Variants in FAT3 observed in about 807,000 individuals in gnomAD.
FAT3 encodes the protein FAT atypical cadherin 3.
In FAT3, 95 loss-of-function variants were observed where a neutral mutation model predicts 310.2. The ratio of observed to expected loss-of-function variants is 0.31; its 90% confidence interval spans 0.26 to 0.36. The LOEUF is 0.36. FAT3 is among the 10% of genes least tolerant of loss of function. The pLI is 1.00. For synonymous variants in FAT3, 2,314 were observed against 2,192.9 expected, an observed-to-expected ratio of 1.06 and a Z score of -1.54; for missense variants, 5,408 against 5,715.6, an observed-to-expected ratio of 0.95 and a Z score of 1.74.
intron 3 of FAT3, among the ~76,000 whole-genome samples, chr11:92,635,990 G>T (rs1029566808): frequency 4.6e-5 from 7 of 152,022 alleles, no homozygotes; most frequent in Non-Finnish European, 5.9e-5. Flanking sequence ...TTGAGACAGG[G>T]TCTCACTCTG....
At chr11:92,728,158 G>A (rs1032044330) in intron 4 of FAT3, among the ~76,000 whole-genome samples, 1 of 152,138 alleles carries the variant, frequency 6.6e-6, no homozygotes, top group South Asian at 2.1e-4. Flanking sequence ...AATCATCAAT[G>A]TTTTACCTTA....
intron 7 of FAT3, among the ~76,000 whole-genome samples, chr11:92,785,063 A>G (rs1345336982): frequency 6.6e-6 from 1 of 151,946 alleles, no homozygotes; most frequent in South Asian, 2.1e-4. Context: ...TTTCTACCAC[A>G]AAGTACTATA....
intron 3 of FAT3, among the ~76,000 whole-genome samples, chr11:92,568,668 A>G (rs942896118): frequency 6.6e-6 from 1 of 152,098 alleles, no homozygotes. Flanking sequence ...CATGCAAGAT[A>G]TTCACTCTCT....
At chr11:92,462,836 T>G (rs946154215) in intron 2 of FAT3, among the ~76,000 whole-genome samples, 9 of 152,240 alleles carry the variant, frequency 5.9e-5, no homozygotes, top group African/African-American at 1.9e-4. Flanking sequence ...AGTGTTTGTC[T>G]TATTCCCTGG....
chr11:92,414,798 C>T (rs1348098099), intron 2 of FAT3, among the ~76,000 whole-genome samples: 4 of 152,048 alleles, frequency 2.6e-5, no homozygotes, highest in Non-Finnish European at 5.9e-5. Context: ...ATCACGAGGT[C>T]GGGAGATCGG....
At chr11:92,333,169 C>T (rs1331769421) in intron 1 of FAT3, among the ~76,000 whole-genome samples, 3 of 152,130 alleles carry the variant, frequency 2.0e-5, no homozygotes, top group Non-Finnish European at 2.9e-5. Context: ...ATAAGTCCTA[C>T]CCAAATGACT....
rs182220077 is a variant in FAT3 at position 92,466,071 on chromosome 11, C to G, written c.3293-58563C>G. On this transcript the variant is annotated intron_variant, in intron 2 of 27. Coordinates refer to ENST00000525166, the MANE Select transcript of FAT3 (RefSeq NM_001367949.2). The stretch of plus-strand genomic sequence containing the variant: ...ACAGCAGGTACTATTGTCCTACCTT[C>G]CAGATGGGGAAATGGAGGCTTTAAA... Among the ~76,000 whole-genome samples, 27 of 152,178 alleles carry G rather than the reference C, an allele frequency of 1.8e-4. 1 individual carries two copies. Among genetic ancestry groups the G allele is most frequent in the East Asian group, 1.4e-3 (7 of 5,164 alleles).
At chr11:92,518,952 T>C (rs1953590809) in intron 2 of FAT3, among the ~76,000 whole-genome samples, 1 of 152,058 alleles carries the variant, frequency 6.6e-6, no homozygotes, top group African/African-American at 2.4e-5. Flanking sequence ...CTCAAAGCTG[T>C]CAAGATGCCA....
chr11:92,366,353 T>C (rs1197831826), intron 2 of FAT3: 2 of 236,936 alleles, frequency 8.4e-6, no homozygotes, highest in Non-Finnish European at 1.7e-5. Context: ...AAAATGAAAA[T>C]GGGAGCCACT....
chr11:92,564,565 C>T (rs1292150710), intron 3 of FAT3, among the ~76,000 whole-genome samples: 11 of 152,016 alleles, frequency 7.2e-5, no homozygotes, highest in Non-Finnish European at 1.6e-4. Context: ...ACTCTCCACC[C>T]CAAATCAACA....
In FAT3 at chr11:92,589,208, G is replaced by A. The variant is rs78698026; in HGVS notation, c.3607+64260G>A. ...ACATGGCTTGACTTTTACATTGGAAGTGACCTGGAAGTCACATTCCTTTGG... is the reference window on the plus strand; with the variant it reads ...ACATGGCTTGACTTTTACATTGGAAATGACCTGGAAGTCACATTCCTTTGG... On this transcript the variant is annotated intron_variant, in intron 3 of 27. Coordinates refer to ENST00000525166, the MANE Select transcript of FAT3 (RefSeq NM_001367949.2). 8.5e-5 allele frequency among the ~76,000 whole-genome samples: 13 copies of A among 152,162 alleles called. No homozygotes were observed. The East Asian group carries it at 2.5e-3, about 29-fold the overall frequency.
At chr11:92,645,656 T>G (rs1942129350) in intron 3 of FAT3, among the ~76,000 whole-genome samples, 1 of 152,232 alleles carries the variant, frequency 6.6e-6, no homozygotes, top group Non-Finnish European at 1.5e-5. Flanking sequence ...TAGGTAAAGT[T>G]GGGAATGACA....
At chr11:92,286,128 T>C (rs1946556919) in intron 1 of FAT3, among the ~76,000 whole-genome samples, 1 of 152,170 alleles carries the variant, frequency 6.6e-6, no homozygotes, top group African/African-American at 2.4e-5. Context: ...AGACAGTTCC[T>C]AATGCGAAAC....
chr11:92,639,134 C>T (rs994293005), intron 3 of FAT3, among the ~76,000 whole-genome samples: 1 of 152,180 alleles, frequency 6.6e-6, no homozygotes, highest in Non-Finnish European at 1.5e-5. Context: ...CAAATCTTCT[C>T]TTGGTCAGGA....
intron 1 of FAT3, among the ~76,000 whole-genome samples, chr11:92,331,517 A>G (rs1947924174): frequency 6.6e-6 from 1 of 152,156 alleles, no homozygotes; most frequent in Non-Finnish European, 1.5e-5. Context: ...ACCCCTTCTT[A>G]TTAAAGTGTC....
At chr11:92,279,852 C>T (rs1309213860) in intron 1 of FAT3, among the ~76,000 whole-genome samples, 4 of 152,066 alleles carry the variant, frequency 2.6e-5, no homozygotes, top group African/African-American at 4.8e-5. Context: ...TTAAAATCCC[C>T]ACTAAAAGGA....
chr11:92,644,463 G>A (rs1318527034), intron 3 of FAT3, among the ~76,000 whole-genome samples: 2 of 152,016 alleles, frequency 1.3e-5, no homozygotes, highest in African/African-American at 2.4e-5. Flanking sequence ...TTGTTCTATC[G>A]AGGAAGACAC....
intron 4 of FAT3, among the ~76,000 whole-genome samples, chr11:92,702,687 A>T (rs1312650283): frequency 6.6e-6 from 1 of 152,202 alleles, no homozygotes. Flanking sequence ...CTTGAAAGAT[A>T]CATCTACTTA....
chr11:92,276,451 T>G (rs1477044007), intron 1 of FAT3, among the ~76,000 whole-genome samples: 3 of 152,152 alleles, frequency 2.0e-5, no homozygotes, highest in Admixed American at 1.3e-4. Flanking sequence ...GGCCTGTGAC[T>G]TTCTTTGGCA....
Sources: allele counts gnomAD v4.1 joint callset (sites outside exome capture counted in the v4.1 genomes callset), GRCh38; gene constraint gnomAD v4.1.1; transcripts MANE v1.5; gene names NCBI Gene and HGNC (gene_info 2026-07-23, HGNC 2026-07-21).